The following F13B variants were observed in gnomAD, a reference collection of about 807,000 sequenced individuals.
F13B encodes coagulation factor XIII B chain.
In F13B, 58 loss-of-function variants were observed where a neutral mutation model predicts 79.8. The observed-to-expected ratio is 0.73, with a 90% CI of 0.59 to 0.90. The LOEUF is 0.90. F13B is among the 40% of genes least tolerant of loss of function. The probability of loss-of-function intolerance (pLI) is 0.00; values close to 1 mark genes in which losing one functional copy is unlikely to be tolerated. For synonymous variants in F13B, 283 were observed against 260.3 expected, an observed-to-expected ratio of 1.09 and a Z score of -0.84; for missense variants, 773 against 777.0, an observed-to-expected ratio of 0.99 and a Z score of 0.06.
At chr1:197,052,595 G>T in intron 9 of F13B, 39 bp downstream of exon 9, 2 of 1,410,428 alleles carry the variant, frequency 1.4e-6, no homozygotes, top group Non-Finnish European at 2.0e-6. Flanking sequence ...GCAGATATTG[G>T]TCAAGTAAAG....
At chr1:197,044,905 A>T (rs1487182173) in intron 10 of F13B, among the ~76,000 whole-genome samples, 1 of 151,940 alleles carries the variant, frequency 6.6e-6, no homozygotes, top group Non-Finnish European at 1.5e-5. Flanking sequence ...CTCCTGAATG[A>T]CTACTAGATA....
At chr1:197,056,357 C>T (rs1333830512) in intron 7 of F13B, among the ~76,000 whole-genome samples, 1 of 151,910 alleles carries the variant, frequency 6.6e-6, no homozygotes, top group Admixed American at 6.6e-5. Context: ...CTTTAGCATC[C>T]TTCATTGCTT....
chr1:197,048,202 G>A (rs376192456), intron 10 of F13B, among the ~76,000 whole-genome samples: 11 of 151,096 alleles, frequency 7.3e-5, no homozygotes, highest in African/African-American at 2.7e-4. Flanking sequence ...AGAGGGAGAT[G>A]ACCAATGGGA....
chr1:197,045,879 T>C (rs1655211466), intron 10 of F13B, among the ~76,000 whole-genome samples: 1 of 152,150 alleles, frequency 6.6e-6, no homozygotes, highest in Admixed American at 6.5e-5. Flanking sequence ...TCAATAAACA[T>C]AATCCATGAC....
intron 10 of F13B, among the ~76,000 whole-genome samples, chr1:197,043,872 T>C (rs891508862): frequency 2.0e-5 from 3 of 152,020 alleles, no homozygotes; most frequent in Non-Finnish European, 4.4e-5. Context: ...TTTTAAAAGA[T>C]ATTAGCCAAA....
chr1:197,044,516 T>C (rs1433110454), intron 10 of F13B, among the ~76,000 whole-genome samples: 1 of 152,072 alleles, frequency 6.6e-6, no homozygotes, highest in African/African-American at 2.4e-5. Context: ...AGCAAGTCCT[T>C]AGAGACCTGC....
At chr1:197,060,658 T>C (rs1191460317) in intron 4 of F13B, 116 bp from the exon 5 acceptor site, 1 of 788,042 alleles carries the variant, frequency 1.3e-6, no homozygotes, top group Non-Finnish European at 2.0e-6. Flanking sequence ...AAAAAGCTTA[T>C]GAATTCATTT....
In F13B at chr1:197,057,122, A is replaced by G. The variant is rs1655671530; in HGVS notation, c.1062T>C (p.Tyr354=). 6.2e-6 allele frequency: 10 copies of G among 1,613,792 alleles called. No individual in the cohort carries two copies. The South Asian group carries it at 7.7e-5, about 12-fold the overall frequency. ...NGAANLHSKI[Y]YNGDKVTYAC... The stretch of plus-strand genomic sequence containing the variant: ...CATATGTCACTTTATCCCCATTGTA[A>G]TAAATCTTAGAGTGTAAATTTGCTG... Residue 354 remains tyrosine (Y), a synonymous_variant, in exon 7 of 12, where the codon TAT becomes TAC. Coordinates refer to ENST00000367412, the MANE Select transcript of F13B (RefSeq NM_001994.3).
chr1:197,061,544 C>T (rs1186842395), intron 3 of F13B, among the ~76,000 whole-genome samples: 2 of 152,096 alleles, frequency 1.3e-5, no homozygotes, highest in Non-Finnish European at 2.9e-5. Flanking sequence ...TTATTCCATT[C>T]CAATTCCTTT....
chr1:197,049,527 CAGA>C (rs1257787364), intron 10 of F13B, among the ~76,000 whole-genome samples: 2 of 152,036 alleles, frequency 1.3e-5, no homozygotes, highest in African/African-American at 2.4e-5. Context: ...CCAAAACTGA[CAGA>C]AGAAGAAATA....
In F13B at chr1:197,057,426, T is replaced by C; in HGVS notation, c.845A>G (p.Asn282Ser). 6.2e-7 allele frequency: 1 copy of C among 1,613,884 alleles called. No homozygotes were observed. The highest frequency in any genetic ancestry group is 8.5e-7 in the Non-Finnish European group (1 of 1,179,876). The change falls in exon 6 of 12, where the codon AAC becomes AGC. Residue 282 changes from asparagine (N) to serine (S), a missense_variant. Asn to Ser is a conservative substitution (Grantham distance 46). Coordinates refer to ENST00000367412, the MANE Select transcript of F13B (RefSeq NM_001994.3). ...TGTTGAATGTGTTTGAATTTTGGAGTTTATGGGCAGAGGTGGAGGAGGACA... is the reference window on the plus strand; with the variant it reads ...TGTTGAATGTGTTTGAATTTTGGAGCTTATGGGCAGAGGTGGAGGAGGACA... ...NRCPPPPLPI[N>S]SKIQTHSTTY...
At chr1:197,043,193 G>T (rs1655105305) in intron 10 of F13B, among the ~76,000 whole-genome samples, 1 of 152,122 alleles carries the variant, frequency 6.6e-6, no homozygotes, top group African/African-American at 2.4e-5. Flanking sequence ...GACAGTCAAG[G>T]AGAAAAAGCT....
intron 7 of F13B, among the ~76,000 whole-genome samples, chr1:197,056,790 C>T (rs1275779777): frequency 1.3e-5 from 2 of 152,140 alleles, no homozygotes; most frequent in Admixed American, 6.6e-5. Flanking sequence ...TCAAAAAAAA[C>T]TTTTGTTTAA....
At chr1:197,060,592 G>T in intron 4 of F13B, 50 bp from the exon 5 acceptor site, 1 of 1,348,700 alleles carries the variant, frequency 7.4e-7, no homozygotes, top group Non-Finnish European at 1.0e-6. Context: ...TATTTTTTCT[G>T]CTACAACAAA....
chr1:197,040,439 G>A (rs1294824028), intron 11 of F13B, 83 bp downstream of exon 11: 1 of 904,678 alleles, frequency 1.1e-6, no homozygotes, highest in African/African-American at 1.7e-5. Context: ...AAGTATGAGT[G>A]GTATAGAACA....
rs149466650 is a variant in F13B at position 197,055,752 on chromosome 1, G to T, written c.1317C>A (p.Cys439Ter). The T allele has an allele frequency of 1.2e-6, 2 of 1,613,092 alleles. No individual in the cohort carries two copies. Among genetic ancestry groups the T allele is most frequent in the Non-Finnish European group, 1.7e-6 (2 of 1,179,636 alleles). The change falls in exon 8 of 12, where the codon TGC becomes TGA. Residue 439 changes from cysteine (C) to a stop codon, truncating the protein, a stop_gained. Coordinates refer to ENST00000367412, the MANE Select transcript of F13B (RefSeq NM_001994.3). LOFTEE classifies it high-confidence loss of function. ...YLLRGSKISR[C>*]EQGKWSSPPV... ...GTGGGGATGACCATTTTCCTTGTTC[G>T]CAACGAGATATTTTTGATCCCCTCA...
In F13B at chr1:197,040,721, A is replaced by T. The variant is rs760783227; in HGVS notation, c.1753T>A (p.Ser585Thr). 1 of 1,609,988 alleles carries T rather than the reference A, an allele frequency of 6.2e-7. No homozygotes were observed. Among genetic ancestry groups the T allele is most frequent in the Non-Finnish European group, 8.5e-7 (1 of 1,177,004 alleles). ...PPLCLEPCTLSFTEMEKNNLL... is the reference protein window; with the variant it reads ...PPLCLEPCTLTFTEMEKNNLL... Reference sequence around the variant, plus strand: ...TTATTCTTTTCCATTTCAGTAAAAGATAATGTGCATGGCTCTGGGAACAAC... The same window carrying T: ...TTATTCTTTTCCATTTCAGTAAAAGTTAATGTGCATGGCTCTGGGAACAAC... The change falls in exon 11 of 12, where the codon TCT becomes ACT. Residue 585 changes from serine to threonine, a missense_variant. Ser to Thr is a moderately conservative substitution (Grantham distance 58, BLOSUM62 1). Coordinates refer to ENST00000367412, the MANE Select transcript of F13B (RefSeq NM_001994.3).
intron 11 of F13B, 21 bp downstream of exon 11, chr1:197,040,484 AAAAAAAATAATCTGACC>A: frequency 1.4e-6 from 2 of 1,419,510 alleles, no homozygotes; most frequent in Non-Finnish European, 2.0e-6. Context: ...CAATCTGACC[AAAAAAAATAATCTGACC>A]AAAAAAAAAA....
intron 5 of F13B, among the ~76,000 whole-genome samples, chr1:197,059,173 G>A (rs1655754405): frequency 6.6e-6 from 1 of 152,034 alleles, no homozygotes; most frequent in African/African-American, 2.4e-5. Context: ...CTGAGATCGT[G>A]CCACTGCACT....
Sources: allele counts gnomAD v4.1 joint callset (sites outside exome capture counted in the v4.1 genomes callset), GRCh38; gene constraint gnomAD v4.1.1; transcripts MANE v1.5; gene names NCBI Gene and HGNC (gene_info 2026-07-23, HGNC 2026-07-21).